RAB6B: variants seen among roughly 807,000 people sequenced by gnomAD.
The protein encoded by RAB6B is ras-related protein Rab-6B.
In RAB6B, 7 loss-of-function variants were observed where a neutral mutation model predicts 31.2. The ratio of observed to expected loss-of-function variants is 0.22; its 90% CI spans 0.13 to 0.42. The LOEUF (loss-of-function observed/expected upper bound fraction) is 0.42. Ranked by LOEUF, RAB6B falls within the 10% of genes least tolerant of loss-of-function variation. The probability of loss-of-function intolerance (pLI) is 1.00; values close to 1 mark genes in which losing one functional copy is unlikely to be tolerated. For missense variants in RAB6B, 149 were observed against 280.6 expected, an observed-to-expected ratio of 0.53 and a Z score of 3.35; for synonymous variants, 105 against 104.9, an observed-to-expected ratio of 1.00 and a Z score of -0.01.
chr3:133,849,678 C>A (rs1242539695), intron 2 of RAB6B, among the ~76,000 whole-genome samples: 1 of 152,204 alleles, frequency 6.6e-6, no homozygotes, highest in Non-Finnish European at 1.5e-5. Context: ...TCCTGAAATC[C>A]CTTCATTTCT....
chr3:133,844,647 G>T (rs896609837), intron 2 of RAB6B, among the ~76,000 whole-genome samples: 8 of 152,178 alleles, frequency 5.3e-5, no homozygotes, highest in Non-Finnish European at 8.8e-5. Context: ...ATGATCAAAA[G>T]CAGGACGAGG....
intron 6 of RAB6B, 33 bp downstream of exon 6, chr3:133,838,130 GCCC>G (rs1559900596): frequency 7.0e-6 from 2 of 286,478 alleles, no homozygotes; most frequent in East Asian, 1.3e-4. Flanking sequence ...ACCGTGCCGG[GCCC>G]CGTGCCGGGC....
At chr3:133,869,147 T>C (rs567193314) in intron 1 of RAB6B, among the ~76,000 whole-genome samples, 1 of 152,250 alleles carries the variant, frequency 6.6e-6, no homozygotes, top group Non-Finnish European at 1.5e-5. Context: ...GGGAACAATG[T>C]GTGCAAAGGC....
At chr3:133,841,764 G>A (rs1046755339) in intron 2 of RAB6B, 101 bp from the exon 3 acceptor site, 41 of 1,175,500 alleles carry the variant, frequency 3.5e-5, no homozygotes, top group Admixed American at 2.2e-4. Flanking sequence ...AAGAGGGGAC[G>A]CTCATGTCAG....
At chr3:133,868,933 G>A (rs1936278899) in intron 1 of RAB6B, among the ~76,000 whole-genome samples, 1 of 152,196 alleles carries the variant, frequency 6.6e-6, no homozygotes, top group Non-Finnish European at 1.5e-5. Context: ...GTGGAGCTGG[G>A]ATAGGAGCAC....
At chr3:133,866,869 G>T (rs903768903) in intron 1 of RAB6B, among the ~76,000 whole-genome samples, 1 of 152,370 alleles carries the variant, frequency 6.6e-6, no homozygotes, top group East Asian at 1.9e-4. Flanking sequence ...CCCAGGGCAC[G>T]CTGGTCACTT....
In RAB6B at chr3:133,841,569, A is replaced by G. The variant is rs758215844; in HGVS notation, c.183+41T>C. 3 of 1,607,236 alleles carry G rather than the reference A, an allele frequency of 1.9e-6. No homozygotes were observed. In the East Asian group the frequency reaches 6.7e-5, roughly 36 times the overall value. On this transcript the variant is annotated intron_variant, in intron 3 of 7. Transcript: ENST00000285208. ...GGGTCCTAGGGGATAAGCCCAAAGG[A>G]ACCCTCCCTGCCCCTCCCAGTCCTG...
At chr3:133,873,738 T>C (rs1357591309) in intron 1 of RAB6B, among the ~76,000 whole-genome samples, 1 of 152,220 alleles carries the variant, frequency 6.6e-6, no homozygotes, top group East Asian at 1.9e-4. Flanking sequence ...AGGCAAGAGT[T>C]GGGGCACTGA....
intron 2 of RAB6B, among the ~76,000 whole-genome samples, chr3:133,859,744 G>A (rs1936132453): frequency 6.6e-6 from 1 of 152,216 alleles, no homozygotes. Context: ...CAGCTGGGAT[G>A]TGCTGTGTGT....
intron 7 of RAB6B, among the ~76,000 whole-genome samples, chr3:133,830,864 T>C (rs1304460585): frequency 1.3e-5 from 2 of 152,176 alleles, no homozygotes; most frequent in East Asian, 1.9e-4. Context: ...GCACGGAGGA[T>C]GTTCAGAAGC....
intron 2 of RAB6B, among the ~76,000 whole-genome samples, chr3:133,861,702 T>C (rs1279970950): frequency 6.6e-6 from 1 of 152,236 alleles, no homozygotes; most frequent in East Asian, 1.9e-4. Context: ...AAACATCTTT[T>C]GTCAGAATGA....
chr3:133,889,427 TA>T (rs1936603260), intron 1 of RAB6B, among the ~76,000 whole-genome samples: 24 of 69,670 alleles, frequency 3.4e-4, no homozygotes, highest in African/African-American at 9.2e-4. Context: ...TATATATATA[TA>T]TATATATATA....
intron 2 of RAB6B, among the ~76,000 whole-genome samples, chr3:133,849,787 A>G (rs1420178415): frequency 6.6e-6 from 1 of 152,208 alleles, no homozygotes; most frequent in Non-Finnish European, 1.5e-5. Context: ...CAGCCATAAT[A>G]GTTCAGCAGA....
chr3:133,875,265 G>C (rs1936376180), intron 1 of RAB6B, among the ~76,000 whole-genome samples: 1 of 127,792 alleles, frequency 7.8e-6, no homozygotes, highest in Non-Finnish European at 1.6e-5. Flanking sequence ...TTACTTCACA[G>C]TTACACGTGT....
chr3:133,890,622 AGGAATCCTAT>A (rs920754229), intron 1 of RAB6B, among the ~76,000 whole-genome samples: 57 of 152,268 alleles, frequency 3.7e-4, no homozygotes, highest in African/African-American at 1.3e-3. Flanking sequence ...AATTTGAAAT[AGGAATCCTAT>A]TTCAAGCCAC....
Position 133,839,613 on chromosome 3 carries a change from G to A in RAB6B, c.294C>T (p.Leu98=). The A allele has an allele frequency of 1.2e-6, 2 of 1,609,766 alleles. No individual in the cohort carries two copies. Among genetic ancestry groups the A allele is most frequent in the Non-Finnish European group, 1.7e-6 (2 of 1,175,970 alleles). ...VAVVVYDITN[L]NSFQQTSKWI... is the part of the protein sequence containing the mutation. The stretch of plus-strand genomic sequence containing the variant: ...ACTTAGAGGTCTGTTGGAAGGAGTT[G>A]AGATCTGGAGGCAGAAAGTGAGGAT... Residue 98 remains leucine, a synonymous_variant, in exon 5 of 8, where the codon CTC becomes CTT. Transcript: ENST00000285208.
chr3:133,839,407 G>T, intron 5 of RAB6B, 99 bp downstream of exon 5: 1 of 1,050,740 alleles, frequency 9.5e-7, no homozygotes, highest in Non-Finnish European at 1.5e-6. Context: ...ATGGTCAGAA[G>T]CACAGACACA....
At chr3:133,872,362 G>A (rs116246264) in intron 1 of RAB6B, among the ~76,000 whole-genome samples, 28 of 152,364 alleles carry the variant, frequency 1.8e-4, no homozygotes, top group Middle Eastern at 6.8e-3. Context: ...CAGGCTACCC[G>A]CATCCCTGCT....
intron 6 of RAB6B, among the ~76,000 whole-genome samples, chr3:133,835,095 C>G (rs140350072): frequency 3.9e-5 from 6 of 152,180 alleles, no homozygotes; most frequent in Non-Finnish European, 8.8e-5. Context: ...GCAGGTCCGG[C>G]GCCAAGGCAG....
Sources: allele counts gnomAD v4.1 joint callset (sites outside exome capture counted in the v4.1 genomes callset), GRCh38; gene constraint gnomAD v4.1.1; transcripts MANE v1.5; gene names NCBI Gene and HGNC (gene_info 2026-07-23, HGNC 2026-07-21).